Variants in ARL15 observed in about 807,000 individuals in gnomAD.
The protein encoded by ARL15 is ADP-ribosylation factor-like protein 15.
Under a neutral mutation model 25.2 loss-of-function variants are expected in ARL15, and 19 were observed. The observed-to-expected ratio is 0.75, with a 90% CI of 0.53 to 1.10. The LOEUF is 1.10. Ranked by LOEUF, ARL15 falls within the 50% of genes least tolerant of loss-of-function variation. The pLI is 0.00. For synonymous variants in ARL15, 94 were observed against 86.8 expected (o/e 1.08, Z -0.46); for missense variants, 220 against 246.0 (o/e 0.89, Z 0.71).
intron 1 of ARL15, among the ~76,000 whole-genome samples, chr5:54,227,556 C>T (rs780276514): frequency 6.6e-6 from 1 of 152,178 alleles, no homozygotes; most frequent in Non-Finnish European, 1.5e-5. Flanking sequence ...GCCCTTTCCA[C>T]TAAATCCCAC....
chr5:54,215,616 G>A (rs562477319), intron 1 of ARL15, among the ~76,000 whole-genome samples: 3 of 116,186 alleles, frequency 2.6e-5, no homozygotes, highest in African/African-American at 8.0e-5. Flanking sequence ...CTAAGTGCGC[G>A]AAGGGGGGAG....
intron 4 of ARL15, among the ~76,000 whole-genome samples, chr5:53,926,550 C>A (rs770692883): frequency 8.5e-5 from 13 of 152,110 alleles, no homozygotes; most frequent in Non-Finnish European, 1.9e-4. Flanking sequence ...GCATAAGGGT[C>A]AGGGAGCCTG....
chr5:53,959,375 A>T (rs1747284585), intron 4 of ARL15, among the ~76,000 whole-genome samples: 2 of 152,218 alleles, frequency 1.3e-5, no homozygotes, highest in Admixed American at 6.5e-5. Flanking sequence ...CTTTTTATCT[A>T]TGTGCTAGGC....
intron 4 of ARL15, among the ~76,000 whole-genome samples, chr5:53,934,387 T>G (rs1296262035): frequency 6.6e-6 from 1 of 151,886 alleles, no homozygotes; most frequent in Non-Finnish European, 1.5e-5. Flanking sequence ...AAAGCATGAT[T>G]TTTATTGTTT....
chr5:53,896,609 G>C (rs1432590680), intron 4 of ARL15, among the ~76,000 whole-genome samples: 9 of 152,028 alleles, frequency 5.9e-5, no homozygotes, highest in African/African-American at 1.7e-4. Context: ...CCATCCTCCT[G>C]CCTCAGCCTC....
intron 4 of ARL15, among the ~76,000 whole-genome samples, chr5:53,972,177 C>CA (rs966259629): frequency 3.8e-4 from 58 of 151,540 alleles, no homozygotes; most frequent in Middle Eastern, 3.4e-3. Context: ...GGAAATTAAA[C>CA]AAAAAAAACC....
chr5:54,047,476 G>A (rs551643898), intron 4 of ARL15, among the ~76,000 whole-genome samples: 306 of 152,270 alleles, frequency 2.0e-3, no homozygotes, highest in Non-Finnish European at 3.7e-3. Context: ...CTTAGCCACA[G>A]CAGAAAAAGA....
At chr5:54,178,925 G>C (rs568264838) in intron 1 of ARL15, among the ~76,000 whole-genome samples, 37 of 152,284 alleles carry the variant, frequency 2.4e-4, no homozygotes, top group African/African-American at 8.7e-4. Flanking sequence ...ACATTGGGAG[G>C]GGCGGGTGTC....
At chr5:54,077,748 T>G (rs1254394369) in intron 4 of ARL15, among the ~76,000 whole-genome samples, 1 of 152,170 alleles carries the variant, frequency 6.6e-6, no homozygotes, top group African/African-American at 2.4e-5. Context: ...TTGTGAACCT[T>G]AATCCAGGTA....
chr5:53,933,440 T>C (rs1456157196), intron 4 of ARL15, among the ~76,000 whole-genome samples: 1 of 151,778 alleles, frequency 6.6e-6, no homozygotes, highest in African/African-American at 2.4e-5. Flanking sequence ...GGTCAGGAGA[T>C]CGAGACCATT....
chr5:54,102,851 A>T (rs749143219), intron 4 of ARL15, among the ~76,000 whole-genome samples: 5 of 152,220 alleles, frequency 3.3e-5, no homozygotes, highest in Non-Finnish European at 7.3e-5. Flanking sequence ...ACATGCTAAA[A>T]TTATATTGTT....
chr5:54,256,780 G>T (rs978115332), intron 1 of ARL15, among the ~76,000 whole-genome samples: 5 of 152,000 alleles, frequency 3.3e-5, no homozygotes, highest in African/African-American at 4.8e-5. Flanking sequence ...TGCAGGGATG[G>T]TTTAACATAT....
chr5:54,030,505 A>G (rs1749945424), intron 4 of ARL15, among the ~76,000 whole-genome samples: 1 of 152,146 alleles, frequency 6.6e-6, no homozygotes, highest in Non-Finnish European at 1.5e-5. Flanking sequence ...TGTGATAGGG[A>G]GTGACTGAGG....
intron 4 of ARL15, among the ~76,000 whole-genome samples, chr5:53,968,186 T>C (rs1747626321): frequency 6.6e-6 from 1 of 152,238 alleles, no homozygotes; most frequent in Non-Finnish European, 1.5e-5. Context: ...TGCACCATGA[T>C]GTAAACTGAT....
At position 53,885,482 on chromosome 5, in the gene ARL15, T is replaced by C. The variant is rs1744494853; in HGVS notation, c.*1079A>G. 1 of 152,594 alleles carries C rather than the reference T, an allele frequency of 6.6e-6. No individual in the cohort carries two copies. The highest frequency in any genetic ancestry group is 1.5e-5 in the Non-Finnish European group (1 of 68,018). The allele number at this position is 152,594 out of a possible 1,614,324, so 9.5% of individuals were successfully genotyped here. A position where few individuals can be genotyped will look rare whatever the true frequency, so the allele number is the denominator to read the frequency against. ...GCCCCAGCACAATTTTAAGGGCACA[T>C]TGAAACCCCTGAAAATAGAGGTTTA... is the stretch of plus-strand genomic sequence containing the variant. On this transcript the variant is annotated 3_prime_UTR_variant, in exon 5 of 5. Transcript: ENST00000504924.
chr5:53,966,030 A>C (rs2173317), intron 4 of ARL15, among the ~76,000 whole-genome samples: 47,561 of 152,016 alleles, frequency 0.31, 9,002 homozygotes, highest in Middle Eastern at 0.46. Flanking sequence ...AATCCTTGGA[A>C]TCTCCAAAAG....
chr5:54,128,408 G>T (rs1202928670), intron 3 of ARL15, among the ~76,000 whole-genome samples: 1 of 152,118 alleles, frequency 6.6e-6, no homozygotes, highest in African/African-American at 2.4e-5. Flanking sequence ...AGCTAATATA[G>T]GAATCAACAT....
chr5:54,249,299 G>A (rs1329523859), intron 1 of ARL15, among the ~76,000 whole-genome samples: 1 of 152,126 alleles, frequency 6.6e-6, no homozygotes, highest in Non-Finnish European at 1.5e-5. Context: ...AGTGGAGGTA[G>A]AACTTTCTAT....
At chr5:53,920,033 T>C (rs1382546648) in intron 4 of ARL15, among the ~76,000 whole-genome samples, 2 of 152,062 alleles carry the variant, frequency 1.3e-5, no homozygotes, top group African/African-American at 4.8e-5. Context: ...CTGCCCAGAG[T>C]AGGTGCTCAA....
Sources: allele counts gnomAD v4.1 joint callset (sites outside exome capture counted in the v4.1 genomes callset), GRCh38; gene constraint gnomAD v4.1.1; transcripts MANE v1.5; gene names NCBI Gene and HGNC (gene_info 2026-07-23, HGNC 2026-07-21).